Variants in PLEKHM3 observed in about 807,000 individuals in gnomAD.
PLEKHM3 encodes the protein pleckstrin homology domain containing M3, also known as pleckstrin homology domain-containing family M member 3.
PLEKHM3 carries 45 observed loss-of-function variants against 81.8 expected under a neutral mutation model. That is an observed-to-expected ratio of 0.55 (90% CI 0.43 to 0.71). PLEKHM3 has a LOEUF of 0.71. Among genes scored for constraint, PLEKHM3 ranks in the 30% least tolerant of loss-of-function variants. The pLI, the probability that PLEKHM3 is intolerant of heterozygous loss-of-function variation, is 0.00. For missense variants in PLEKHM3, 788 were observed against 924.3 expected, an observed-to-expected ratio of 0.85 and a Z score of 1.91; for synonymous variants, 352 against 356.4, an observed-to-expected ratio of 0.99 and a Z score of 0.14.
Position 207,923,909 on chromosome 2 carries a change from T to A in PLEKHM3, c.1886+7017A>T, listed in dbSNP as rs9749869. Reference sequence around the variant, plus strand: ...TATATATATATATATATATATATTTTTTTTTTTTTTTTTTTCTGAGGCGGA... The same window carrying A: ...TATATATATATATATATATATATTTATTTTTTTTTTTTTTTCTGAGGCGGA... On this transcript the variant is annotated intron_variant, in intron 5 of 7. Coordinates refer to ENST00000427836, the MANE Select transcript of PLEKHM3 (RefSeq NM_001080475.3). 4.9e-3 allele frequency among the ~76,000 whole-genome samples: 447 copies of A among 90,878 alleles called. 1 individual carries two copies. Among genetic ancestry groups the A allele is most frequent in the African/African-American group, 0.018 (361 of 20,274 alleles). The allele number at this position is 90,878 out of a possible 152,430, so 59.6% of individuals were successfully genotyped here.
At chr2:207,936,615 G>A (rs920374742) in intron 4 of PLEKHM3, among the ~76,000 whole-genome samples, 1 of 152,014 alleles carries the variant, frequency 6.6e-6, no homozygotes, top group Non-Finnish European at 1.5e-5. Flanking sequence ...AAGCTACAAG[G>A]TGAAAACAAA....
At chr2:207,906,378 G>C (rs984631062) in intron 6 of PLEKHM3, among the ~76,000 whole-genome samples, 3 of 152,236 alleles carry the variant, frequency 2.0e-5, no homozygotes, top group African/African-American at 7.2e-5. Context: ...AAGGAGTTGG[G>C]AGAGCTGATA....
rs538773460 is a variant in PLEKHM3, at chr2:207,834,555, A to G, written c.2109-6059T>C. ...ATTCTCCTGCCTCAGCCTCCCAACT[A>G]GCTGGGATTACAGGCATGTGCCACC... On this transcript the variant is annotated intron_variant, in intron 7 of 7. Transcript: ENST00000427836. Among the ~76,000 whole-genome samples the G allele has an allele frequency of 8.4e-4, 127 of 151,272 alleles. 2 individuals are homozygous for G. The highest frequency in any genetic ancestry group is 2.7e-3 in the African/African-American group (112 of 41,092).
chr2:207,850,181 C>G (rs968006804), intron 7 of PLEKHM3, among the ~76,000 whole-genome samples: 1 of 151,974 alleles, frequency 6.6e-6, no homozygotes, highest in East Asian at 1.9e-4. Flanking sequence ...TTTTAACGAC[C>G]TCATCACCTC....
At chr2:207,850,860 T>C (rs921008547) in intron 7 of PLEKHM3, among the ~76,000 whole-genome samples, 2 of 152,138 alleles carry the variant, frequency 1.3e-5, no homozygotes, top group African/African-American at 4.8e-5. Flanking sequence ...TCTTAAAAGT[T>C]AGAGCCCTTC....
Position 207,976,721 on chromosome 2 carries a change from G to A in PLEKHM3, c.1476C>T (p.Thr492=). The A allele has an allele frequency of 6.2e-7, 1 of 1,614,180 alleles. No individual in the cohort carries two copies. ...AAGTCGTCAAAATGCTCAGGAAGCTGGTAGTCACAGATTGGCGTTTGTTCT... is the reference window on the plus strand; with the variant it reads ...AAGTCGTCAAAATGCTCAGGAAGCTAGTAGTCACAGATTGGCGTTTGTTCT... The part of the protein sequence containing the change: ...LRKNKRQSVT[T]SFLSILTTLS... Residue 492 remains threonine (T), a synonymous_variant, in exon 3 of 8, where the codon ACC becomes ACT. Coordinates refer to ENST00000427836, the MANE Select transcript of PLEKHM3 (RefSeq NM_001080475.3). This position sits in a 1 kb window ranked among gnomAD's most constrained non-coding sequence, Gnocchi z 4.1.
chr2:207,942,808 G>A lies in PLEKHM3; in HGVS notation c.1692+3559C>T, dbSNP rs187929841. Among the ~76,000 whole-genome samples the A allele has an allele frequency of 2.0e-3, 302 of 152,308 alleles. 2 individuals carry two copies. Among genetic ancestry groups the A allele is most frequent in the African/African-American group, 6.8e-3 (282 of 41,574 alleles). ...CCAGTTACTCAGGAGGCTGAGGCAT[G>A]AGAATCACTTGAACCTGGGAGGCGG... On this transcript the variant is annotated intron_variant, in intron 4 of 7. Transcript: ENST00000427836.
At chr2:207,892,928 C>T (rs1287031042) in intron 6 of PLEKHM3, among the ~76,000 whole-genome samples, 2 of 152,174 alleles carry the variant, frequency 1.3e-5, no homozygotes, top group African/African-American at 2.4e-5. Context: ...ATTCAAGCCT[C>T]AAGATCCATT....
chr2:207,922,170 A>G (rs998895031), intron 5 of PLEKHM3, among the ~76,000 whole-genome samples: 1 of 152,146 alleles, frequency 6.6e-6, no homozygotes, highest in African/African-American at 2.4e-5. Context: ...TTTTGATAAT[A>G]GCCATTCTAA....
At chr2:207,893,071 T>G (rs1021232990) in intron 6 of PLEKHM3, among the ~76,000 whole-genome samples, 5 of 152,224 alleles carry the variant, frequency 3.3e-5, no homozygotes, top group African/African-American at 1.2e-4. Context: ...AACTAACTCC[T>G]GGCTCCAATC....
intron 5 of PLEKHM3, chr2:207,929,842 C>A: frequency 1.5e-6 from 1 of 665,372 alleles, no homozygotes; most frequent in Non-Finnish European, 2.7e-6. Flanking sequence ...CTAATTGGAT[C>A]TCAAAACTCC....
At chr2:207,927,521 A>AG (rs1689439841) in intron 5 of PLEKHM3, among the ~76,000 whole-genome samples, 1 of 139,928 alleles carries the variant, frequency 7.1e-6, no homozygotes, top group East Asian at 2.2e-4. Context: ...GTCTCAAAAA[A>AG]AAAAAAAAAA....
intron 3 of PLEKHM3, among the ~76,000 whole-genome samples, chr2:207,960,778 C>T (rs2105997011): frequency 6.6e-6 from 1 of 152,276 alleles, no homozygotes; most frequent in Non-Finnish European, 1.5e-5. Context: ...GAAACTTTTA[C>T]TCAAGTTAAA....
chr2:208,015,672 A>C (rs1166655539), intron 1 of PLEKHM3, among the ~76,000 whole-genome samples: 1 of 152,226 alleles, frequency 6.6e-6, no homozygotes, highest in Non-Finnish European at 1.5e-5. Context: ...CATTTAGGTG[A>C]AACAAGTGCT....
At chr2:207,860,065 T>C (rs1186367338) in intron 7 of PLEKHM3, among the ~76,000 whole-genome samples, 1 of 152,016 alleles carries the variant, frequency 6.6e-6, no homozygotes, top group Non-Finnish European at 1.5e-5. Context: ...AGGAGTTTCC[T>C]CCCTTTAAGA....
chr2:207,840,421 T>C (rs2092343705), intron 7 of PLEKHM3, among the ~76,000 whole-genome samples: 1 of 152,198 alleles, frequency 6.6e-6, no homozygotes, highest in South Asian at 2.1e-4. Context: ...GGTCTCAAAC[T>C]CCTGGCCTCA....
At chr2:207,951,170 GGT>G (rs1574436505) in intron 3 of PLEKHM3, among the ~76,000 whole-genome samples, 1 of 152,018 alleles carries the variant, frequency 6.6e-6, no homozygotes, top group Non-Finnish European at 1.5e-5. Context: ...ATCATTGTGG[GGT>G]TTTTAACAGG....
At chr2:207,978,918 A>G (rs953677569) in intron 2 of PLEKHM3, among the ~76,000 whole-genome samples, 4 of 152,192 alleles carry the variant, frequency 2.6e-5, no homozygotes, top group Non-Finnish European at 5.9e-5. Context: ...ATTTTTTTTA[A>G]GGCTGTCTTT....
At chr2:207,863,424 T>C (rs1164193642) in intron 6 of PLEKHM3, among the ~76,000 whole-genome samples, 2 of 152,244 alleles carry the variant, frequency 1.3e-5, no homozygotes, top group Non-Finnish European at 2.9e-5. Context: ...TGTTGTCTTT[T>C]CTCACCCAGA....
Sources: allele counts gnomAD v4.1 joint callset (sites outside exome capture counted in the v4.1 genomes callset), GRCh38; gene constraint gnomAD v4.1.1; non-coding constraint Gnocchi (gnomAD v3.1); transcripts MANE v1.5; gene names NCBI Gene and HGNC (gene_info 2026-07-23, HGNC 2026-07-21).